Variants in SPATC1 observed in about 807,000 individuals in gnomAD.
SPATC1 encodes the protein spermatogenesis and centriole associated 1.
SPATC1 carries 35 observed loss-of-function variants against 36.5 expected under a neutral mutation model. That is an observed-to-expected ratio of 0.96 (90% CI 0.73 to 1.27). The LOEUF (loss-of-function observed/expected upper bound fraction) is 1.27. SPATC1 is among the 50% of genes most tolerant of loss of function. SPATC1 has a pLI of 0.00. For synonymous variants in SPATC1, 361 were observed against 353.6 expected (o/e 1.02, Z -0.24); for missense variants, 779 against 796.0 (o/e 0.98, Z 0.26).
rs373743626 is a variant in SPATC1 at position 144,046,869 on chromosome 8, C to G, written c.1689C>G (p.His563Gln). 6.2e-7 allele frequency: 1 copy of G among 1,600,716 alleles called. No individual in the cohort carries two copies. The highest frequency in any genetic ancestry group is 1.3e-5 in the African/African-American group (1 of 74,932). ...FLQRVVVETV[H>Q]PGMLADALLL... Reference sequence around the variant, plus strand: ...AGCGTGTGGTGGTGGAGACCGTGCACCCCGGCATGCTCGCCGACGCGCTGC... The same window carrying G: ...AGCGTGTGGTGGTGGAGACCGTGCAGCCCGGCATGCTCGCCGACGCGCTGC... Residue 563 changes from histidine (H) to glutamine (Q), a missense_variant, in exon 5 of 5, where the codon CAC (histidine) becomes CAG (glutamine). Physicochemically the swap from His to Gln is conservative, Grantham distance 24. Coordinates refer to ENST00000377470, the MANE Select transcript of SPATC1 (RefSeq NM_198572.3). This position sits in a 1 kb window ranked among gnomAD's most constrained non-coding sequence, Gnocchi z 6.6.
At position 144,040,394 on chromosome 8, in the gene SPATC1, G is replaced by A. The variant is rs1554755626; in HGVS notation, c.697G>A (p.Glu233Lys). ...LPEAPRLRLA[E>K]PLRGGPTGPQ... ...AGAGGCCCCAAGGCTGCGGCTGGCT[G>A]AGCCACTCCGCGGAGGCCCCACTGG... Residue 233 changes from glutamate to lysine, a missense_variant, in exon 2 of 5, where the codon GAG becomes AAG. Physicochemically the swap from Glu to Lys is moderately conservative, Grantham distance 56. Coordinates refer to ENST00000377470, the MANE Select transcript of SPATC1 (RefSeq NM_198572.3). 28 of 1,612,132 alleles carry A rather than the reference G, an allele frequency of 1.7e-5. No homozygotes were observed. The highest frequency in any genetic ancestry group is 2.3e-5 in the Non-Finnish European group (27 of 1,179,714).
At chr8:144,029,215 A>T (rs1834747597) in intron 1 of SPATC1, among the ~76,000 whole-genome samples, 1 of 150,638 alleles carries the variant, frequency 6.6e-6, no homozygotes, top group African/African-American at 2.5e-5. Context: ...AAAAAAAAAA[A>T]AAAAAAAAAA....
In SPATC1 at chr8:144,030,941, ATGT is replaced by A. The variant is rs1177632709; in HGVS notation, c.212-8966_212-8964del. On this transcript the variant is annotated intron_variant, in intron 1 of 4. Transcript: ENST00000377470. ...ATATATAACTCTGTCCTCCCCCTTT[ATGT>A]TATTATTGTCACAAGTTACATCTTT... Among the ~76,000 whole-genome samples the A allele has an allele frequency of 5.5e-3, 832 of 152,154 alleles. 3 individuals are homozygous for A. The highest frequency in any genetic ancestry group is 8.5e-3 in the Admixed American group (129 of 15,260).
At chr8:144,021,605 C>T (rs1364675041) in intron 1 of SPATC1, among the ~76,000 whole-genome samples, 2 of 135,212 alleles carry the variant, frequency 1.5e-5, no homozygotes, top group African/African-American at 5.5e-5. Context: ...CACCTCAGGA[C>T]CCTCTGTCCA....
chr8:144,015,180 C>G (rs1265090730), intron 1 of SPATC1, among the ~76,000 whole-genome samples: 1 of 150,810 alleles, frequency 6.6e-6, no homozygotes, highest in East Asian at 2.0e-4. Context: ...GCTGGGATTA[C>G]AGGTGCATGC....
chr8:144,012,484 C>A lies in SPATC1; in HGVS notation c.-32C>A, dbSNP rs782196936. 1 of 1,544,788 alleles carries A rather than the reference C, an allele frequency of 6.5e-7. No individual in the cohort carries two copies. The highest frequency in any genetic ancestry group is 8.8e-7 in the Non-Finnish European group (1 of 1,140,876). On this transcript the variant is annotated 5_prime_UTR_variant, in exon 1 of 5. Coordinates refer to ENST00000377470, the MANE Select transcript of SPATC1 (RefSeq NM_198572.3). ...GCAGCCTCCAGGTGCAGTGCCCTCCCGTGGGCCGCACCCTTGCCACTGCCC... is the reference window on the plus strand; with the variant it reads ...GCAGCCTCCAGGTGCAGTGCCCTCCAGTGGGCCGCACCCTTGCCACTGCCC...
At chr8:144,032,761 C>T (rs1030196369) in intron 1 of SPATC1, among the ~76,000 whole-genome samples, 6 of 151,930 alleles carry the variant, frequency 3.9e-5, no homozygotes, top group Non-Finnish European at 8.8e-5. Flanking sequence ...CATATTGCTC[C>T]CCCTCATGCG....
chr8:144,045,258 C>T lies in SPATC1; in HGVS notation c.1447-1369C>T, dbSNP rs1233497434. Among the ~76,000 whole-genome samples the T allele has an allele frequency of 1.3e-5, 2 of 152,238 alleles. No individual in the cohort carries two copies. The highest frequency in any genetic ancestry group is 4.8e-5 in the African/African-American group (2 of 41,464). ...GCATATTACTCGTTTGCCTAGAAGG[C>T]TCAGGAGCCAAGAACCTCCAGCTGG... On this transcript the variant is annotated intron_variant, in intron 4 of 4. Transcript: ENST00000377470. This position sits in a 1 kb window ranked among gnomAD's most constrained non-coding sequence, Gnocchi z 5.2.
chr8:144,035,499 C>T (rs986711673), intron 1 of SPATC1, among the ~76,000 whole-genome samples: 6 of 152,332 alleles, frequency 3.9e-5, no homozygotes, highest in Non-Finnish European at 7.3e-5. Context: ...TGGGAGTCCC[C>T]GTGGCTTCTG....
At chr8:144,026,954 C>A (rs1474380247) in intron 1 of SPATC1, among the ~76,000 whole-genome samples, 2 of 148,882 alleles carry the variant, frequency 1.3e-5, no homozygotes, top group African/African-American at 4.9e-5. Context: ...AGACTACAGG[C>A]GCCCACCACC....
Position 144,040,103 on chromosome 8 carries a change from C to T in SPATC1, c.406C>T (p.Pro136Ser). Reference protein sequence around the residue: ...SGPAPTSQSSPLTSFLTSPIA... With the variant: ...SGPAPTSQSSSLTSFLTSPIA... ...CCCAGCACCCACGTCACAGAGCAGC[C>T]CCCTCACCAGCTTCCTGACCAGTCC... is the stretch of plus-strand genomic sequence containing the variant. Residue 136 changes from proline to serine, a missense_variant, in exon 2 of 5, where the codon CCC becomes TCC. Physicochemically the swap from Pro to Ser is moderately conservative, Grantham distance 74 (BLOSUM62 -1). Transcript: ENST00000377470. The T allele has an allele frequency of 6.2e-7, 1 of 1,611,492 alleles. No individual in the cohort carries two copies. The highest frequency in any genetic ancestry group is 8.5e-7 in the Non-Finnish European group (1 of 1,179,732).
At chr8:144,036,435 C>T (rs1181182853) in intron 1 of SPATC1, among the ~76,000 whole-genome samples, 1 of 152,124 alleles carries the variant, frequency 6.6e-6, no homozygotes, top group African/African-American at 2.4e-5. Context: ...GGTGATCCTC[C>T]ACCTCAGCCT....
intron 1 of SPATC1, among the ~76,000 whole-genome samples, chr8:144,033,776 G>A (rs978012077): frequency 5.6e-4 from 85 of 152,294 alleles, no homozygotes; most frequent in African/African-American, 1.7e-3. Context: ...TGTGGGGTTT[G>A]GTTTTATGCT....
rs1345658129 is a variant in SPATC1 at position 144,045,331 on chromosome 8, A to C, written c.1447-1296A>C. Reference sequence around the variant, plus strand: ...CACGTCCCAGGCAACAGGGGTGCTGAGCGCAGGCTCTGGGAGCACTTAGCA... The same window carrying C: ...CACGTCCCAGGCAACAGGGGTGCTGCGCGCAGGCTCTGGGAGCACTTAGCA... On this transcript the variant is annotated intron_variant, in intron 4 of 4. Coordinates refer to ENST00000377470, the MANE Select transcript of SPATC1 (RefSeq NM_198572.3). The surrounding 1 kb of genome is among the most constrained non-coding windows in gnomAD (Gnocchi z 5.2). 6.6e-6 allele frequency among the ~76,000 whole-genome samples: 1 copy of C among 152,214 alleles called. No homozygotes were observed. Among genetic ancestry groups the C allele is most frequent in the Non-Finnish European group, 1.5e-5 (1 of 68,028 alleles).
chr8:144,042,465 A>ACC (rs1835141462), intron 4 of SPATC1, among the ~76,000 whole-genome samples: 1 of 151,024 alleles, frequency 6.6e-6, no homozygotes, highest in African/African-American at 2.4e-5. Context: ...GATTACAGGC[A>ACC]TGAACCACCA....
At position 144,040,794 on chromosome 8, in the gene SPATC1, G is replaced by A. The variant is rs368393802; in HGVS notation, c.993G>A (p.Thr331=). The change falls in exon 3 of 5, where the codon ACG becomes ACA. Residue 331 remains threonine, a synonymous_variant. Transcript: ENST00000377470. ...CCACCTCCCCCACCACCTCCCCCAC[G>A]GTCACCGTCCTTGCCTCTGCCCCCG... ...SVPTSPTTSP[T]VTVLASAPAL... is the part of the protein sequence containing the mutation. The A allele has an allele frequency of 2.3e-5, 20 of 857,558 alleles. No homozygotes were observed. Among genetic ancestry groups the A allele is most frequent in the East Asian group, 2.3e-4 (2 of 8,702 alleles). 53.1% of individuals were successfully genotyped at this position (857,558 alleles called of 1,614,324 possible).
At chr8:144,042,311 A>ATTTT (rs1184651892) in intron 4 of SPATC1, among the ~76,000 whole-genome samples, 13 of 23,882 alleles carry the variant, frequency 5.4e-4, no homozygotes, top group African/African-American at 7.2e-4. Context: ...ATATATATAT[A>ATTTT]TTTTTTTTTT....
intron 1 of SPATC1, among the ~76,000 whole-genome samples, chr8:144,021,038 G>C: frequency 9.6e-3 from 1 of 104 alleles, no homozygotes; most frequent in Non-Finnish European, 0.026. Context: ...TCCCCCATCA[G>C]GACTCTCATT....
rs781815034 is a variant in SPATC1 at position 144,040,871 on chromosome 8, T to A, written c.1070T>A (p.Ile357Asn). The A allele has an allele frequency of 2.1e-6, 3 of 1,396,848 alleles. No individual in the cohort carries two copies. Among genetic ancestry groups the A allele is most frequent in the South Asian group, 2.4e-5 (2 of 84,262 alleles). 86.5% of individuals were successfully genotyped at this position (1,396,848 alleles called of 1,614,324 possible). ...TSYTPSSTTH[I>N]AQGAPHPPSR... is the part of the protein sequence containing the mutation. The stretch of plus-strand genomic sequence containing the variant: ...TACACACCCTCAAGCACCACCCACA[T>A]CGCCCAGGGTGCCCCCCATCCCCCT... The change falls in exon 3 of 5, where the codon ATC becomes AAC. Residue 357 changes from isoleucine to asparagine, a missense_variant. By Grantham distance (149) the Ile-to-Asn change is moderately radical. Coordinates refer to ENST00000377470, the MANE Select transcript of SPATC1 (RefSeq NM_198572.3).
Sources: allele counts gnomAD v4.1 joint callset (sites outside exome capture counted in the v4.1 genomes callset), GRCh38; gene constraint gnomAD v4.1.1; non-coding constraint Gnocchi (gnomAD v3.1); transcripts MANE v1.5; gene names NCBI Gene and HGNC (gene_info 2026-07-23, HGNC 2026-07-21).